Variants in E2F5 observed in about 807,000 individuals in gnomAD.
The protein encoded by E2F5 is transcription factor E2F5.
E2F5 carries 23 observed loss-of-function variants against 39.1 expected under a neutral mutation model. The observed-to-expected ratio is 0.59, with a 90% confidence interval of 0.42 to 0.83. E2F5 has a LOEUF of 0.83. Ranked by LOEUF, E2F5 falls within the 40% of genes least tolerant of loss-of-function variation. The pLI, the probability that E2F5 is intolerant of heterozygous loss-of-function variation, is 0.00. For synonymous variants in E2F5, 145 were observed against 157.8 expected (o/e 0.92, Z 0.61); for missense variants, 365 against 406.7 (o/e 0.90, Z 0.88).
intron 6 of E2F5, among the ~76,000 whole-genome samples, chr8:85,211,346 G>A (rs1304714077): frequency 6.6e-6 from 1 of 152,024 alleles, no homozygotes; most frequent in Non-Finnish European, 1.5e-5. Context: ...AGGCTGCAGT[G>A]AGCCCTGACA....
intron 6 of E2F5, 35 bp downstream of exon 6, chr8:85,209,444 G>T: frequency 1.3e-6 from 2 of 1,547,724 alleles, no homozygotes; most frequent in Non-Finnish European, 8.7e-7. Flanking sequence ...AAATTAGAGA[G>T]GGAGAAATAT....
chr8:85,185,060 T>C (rs146459035), intron 1 of E2F5, among the ~76,000 whole-genome samples: 2,129 of 152,132 alleles, frequency 0.014, 35 homozygotes, highest in Non-Finnish European at 0.023. Flanking sequence ...GCCAAGACAA[T>C]CTTAAGCAAA....
At chr8:85,179,235 G>A (rs982719323) in intron 1 of E2F5, among the ~76,000 whole-genome samples, 3 of 152,176 alleles carry the variant, frequency 2.0e-5, no homozygotes, top group African/African-American at 7.2e-5. Flanking sequence ...CTGTGACTTT[G>A]GTGTAAGAAA....
chr8:85,200,119 C>T (rs1288199155), intron 1 of E2F5, among the ~76,000 whole-genome samples: 1 of 152,030 alleles, frequency 6.6e-6, no homozygotes, highest in Admixed American at 6.6e-5. Flanking sequence ...TGGTGGTACA[C>T]ACCTGTAGTC....
intron 1 of E2F5, among the ~76,000 whole-genome samples, chr8:85,197,929 A>T (rs1437410914): frequency 2.6e-5 from 4 of 152,196 alleles, no homozygotes; most frequent in Non-Finnish European, 5.9e-5. Context: ...CAAAGGGGCC[A>T]GTAGTGCTGT....
intron 7 of E2F5, chr8:85,213,542 TAAA>T (rs536955367): frequency 1.1e-3 from 130 of 121,370 alleles, no homozygotes; most frequent in South Asian, 4.5e-3. Context: ...GACTCCATCT[TAAA>T]AAAAAAAAAA....
intron 1 of E2F5, among the ~76,000 whole-genome samples, chr8:85,180,873 C>G (rs1027824434): frequency 6.6e-6 from 1 of 151,194 alleles, no homozygotes; most frequent in African/African-American, 2.4e-5. Context: ...GCCACCGCGC[C>G]CGGCCGGTCT....
intron 1 of E2F5, among the ~76,000 whole-genome samples, chr8:85,189,058 C>G (rs545790425): frequency 1.3e-5 from 2 of 152,224 alleles, no homozygotes; most frequent in Non-Finnish European, 2.9e-5. Context: ...CCATCTTGCT[C>G]CATCCCTTCC....
intron 1 of E2F5, among the ~76,000 whole-genome samples, chr8:85,196,167 C>T (rs988163563): frequency 4.6e-5 from 7 of 152,154 alleles, no homozygotes; most frequent in South Asian, 2.1e-4. Context: ...CTGGAGGGAG[C>T]GCTTTGCGTC....
chr8:85,191,019 A>C (rs1391767230), intron 1 of E2F5, among the ~76,000 whole-genome samples: 1 of 152,218 alleles, frequency 6.6e-6, no homozygotes, highest in Non-Finnish European at 1.5e-5. Flanking sequence ...AGCATCTAGA[A>C]GGAGCACAGC....
At chr8:85,180,555 T>TATATATATA (rs1812187193) in intron 1 of E2F5, among the ~76,000 whole-genome samples, 1 of 117,960 alleles carries the variant, frequency 8.5e-6, no homozygotes, top group Non-Finnish European at 1.7e-5. Context: ...TATATATATA[T>TATATATATA]GGTTTTTTGG....
At position 85,194,167 on chromosome 8, in the gene E2F5, C is replaced by T. The variant is rs4150905; in HGVS notation, c.235-7980C>T. ...TATATATGTAACATTTATAAGTTCC[C>T]ATGAAGGAAATTTTTGACATTTTGC... is the stretch of plus-strand genomic sequence containing the variant. On this transcript the variant is annotated intron_variant, in intron 1 of 7. Transcript: ENST00000416274. 2.0e-5 allele frequency among the ~76,000 whole-genome samples: 3 copies of T among 151,824 alleles called. No individual in the cohort carries two copies. In the East Asian group the frequency reaches 5.8e-4, roughly 29 times the overall value.
At chr8:85,209,776 ATC>A (rs1331398764) in intron 6 of E2F5, among the ~76,000 whole-genome samples, 2 of 152,170 alleles carry the variant, frequency 1.3e-5, no homozygotes, top group Admixed American at 6.5e-5. Context: ...AGGTTCTTTT[ATC>A]TCTCTTAGTA....
chr8:85,212,437 T>C (rs185789482), intron 7 of E2F5: 52 of 452,500 alleles, frequency 1.1e-4, no homozygotes, highest in Middle Eastern at 1.2e-3. Context: ...CTCACCTTCA[T>C]TGAAAATAAA....
At chr8:85,196,612 A>T (rs541903097) in intron 1 of E2F5, among the ~76,000 whole-genome samples, 36 of 152,332 alleles carry the variant, frequency 2.4e-4, no homozygotes, top group Non-Finnish European at 4.7e-4. Flanking sequence ...TTGAAATCAT[A>T]TAAGTCCATT....
rs569397874 is a variant in E2F5 at position 85,183,630 on chromosome 8, G to A, written c.234+5976G>A. 2.0e-5 allele frequency among the ~76,000 whole-genome samples: 3 copies of A among 152,340 alleles called. No individual in the cohort carries two copies. In the South Asian group the frequency reaches 6.2e-4, roughly 32 times the overall value. ...ATAAACTTTGAGGACATAATGCTAG[G>A]TGAAATAAGCCAGTCACAAAAAGAT... On this transcript the variant is annotated intron_variant, in intron 1 of 7. Coordinates refer to ENST00000416274, the MANE Select transcript of E2F5 (RefSeq NM_001951.4).
chr8:85,182,060 A>G (rs903133320), intron 1 of E2F5, among the ~76,000 whole-genome samples: 1 of 152,178 alleles, frequency 6.6e-6, no homozygotes, highest in African/African-American at 2.4e-5. Context: ...ATTGAAAGTG[A>G]TGTGAGGAAA....
intron 3 of E2F5, among the ~76,000 whole-genome samples, chr8:85,205,739 T>C (rs772120672): frequency 6.6e-6 from 1 of 152,248 alleles, no homozygotes; most frequent in Non-Finnish European, 1.5e-5. Flanking sequence ...ATGAGTATAA[T>C]ACTTTGTTTT....
intron 1 of E2F5, among the ~76,000 whole-genome samples, chr8:85,187,516 G>A (rs960135551): frequency 6.6e-6 from 1 of 152,048 alleles, no homozygotes. Flanking sequence ...TCATGTTGCT[G>A]AATTGACCCT....
Sources: gnomAD v4.1 joint callset for allele counts (sites outside exome capture counted in the v4.1 genomes callset) on GRCh38, gnomAD v4.1.1 for gene constraint, MANE v1.5 for transcripts, NCBI Gene and HGNC (gene_info 2026-07-23, HGNC 2026-07-21) for gene names.